The following SMG5 variants were observed in gnomAD, a reference collection of about 807,000 sequenced individuals.
SMG5 encodes SMG5 nonsense mediated mRNA decay factor, also known as nonsense-mediated mRNA decay factor SMG5.
Under a neutral mutation model 122.9 loss-of-function variants are expected in SMG5, and 53 were observed. That is an observed-to-expected ratio of 0.43 (90% CI 0.35 to 0.54). SMG5 has a LOEUF of 0.54. SMG5 is among the 20% of genes least tolerant of loss of function. The probability of loss-of-function intolerance (pLI) is 0.01; values close to 1 mark genes in which losing one functional copy is unlikely to be tolerated. For missense variants in SMG5, 1,153 were observed against 1,285.6 expected (o/e 0.90, Z 1.58); for synonymous variants, 477 against 490.2 (o/e 0.97, Z 0.35).
At position 156,277,210 on chromosome 1, in the gene SMG5, G is replaced by T; in HGVS notation, c.329C>A (p.Ala110Asp). 1 of 1,613,678 alleles carries T rather than the reference G, an allele frequency of 6.2e-7. No individual in the cohort carries two copies. The highest frequency in any genetic ancestry group is 8.5e-7 in the Non-Finnish European group (1 of 1,179,934). The stretch of plus-strand genomic sequence containing the variant: ...ACCAGCAACCAGGTGCGTCCTGTAG[G>T]CACATTCCAAAGTGCTCCGGCTGTG... ...HIHSRSTLEC[A>D]YRTHLVAGIG... Residue 110 changes from alanine to aspartate, a missense_variant, in exon 4 of 22, where the codon GCC (alanine) becomes GAC (aspartate). Around this residue, in one of 5 missense-constraint regions of SMG5, gnomAD observed 213 missense variants for 197.5 expected, o/e 1.08. Transcript: ENST00000361813.
chr1:156,265,439 T>C (rs1424500151), intron 12 of SMG5, among the ~76,000 whole-genome samples: 1 of 152,162 alleles, frequency 6.6e-6, no homozygotes, highest in Non-Finnish European at 1.5e-5. Context: ...CGCTGGTGGG[T>C]ACCAGTTTTT....
intron 7 of SMG5, among the ~76,000 whole-genome samples, chr1:156,271,014 AAAAAAAG>A (rs1304750361): frequency 6.6e-5 from 10 of 152,184 alleles, no homozygotes; most frequent in African/African-American, 2.2e-4. Flanking sequence ...TCTCAAAAAA[AAAAAAAG>A]AAAAAAGAAA....
chr1:156,249,422 A>G lies in SMG5; in HGVS notation c.*1165T>C, dbSNP rs533999005. 15 of 307,460 alleles carry G rather than the reference A, an allele frequency of 4.9e-5. No individual in the cohort carries two copies. The highest frequency in any genetic ancestry group is 9.6e-5 in the Non-Finnish European group (15 of 156,726). The allele number at this position is 307,460 out of a possible 1,614,324, so 19.0% of individuals were successfully genotyped here. Reference sequence around the variant, plus strand: ...GGGGGCAGCAGAGCTGAGACCCTCCACCCCGAGCCCCTAGCCTGTGCTATC... The same window carrying G: ...GGGGGCAGCAGAGCTGAGACCCTCCGCCCCGAGCCCCTAGCCTGTGCTATC... On this transcript the variant is annotated 3_prime_UTR_variant, in exon 22 of 22. Transcript: ENST00000361813.
rs756278683 is a variant in SMG5, at chr1:156,263,492, T to G, written c.1934A>C (p.Lys645Thr). The G allele has an allele frequency of 3.7e-6, 6 of 1,614,250 alleles. No individual in the cohort carries two copies. Among genetic ancestry groups the G allele is most frequent in the Non-Finnish European group, 5.1e-6 (6 of 1,180,050 alleles). The change falls in exon 13 of 22, where the codon AAG (lysine) becomes ACG (threonine). Residue 645 changes from lysine (K) to threonine (T), a missense_variant. By Grantham distance (78) the Lys-to-Thr change is moderately conservative. Transcript: ENST00000361813. ...SCRNERSIQE[K>T]LQVLMAEGLL... The stretch of plus-strand genomic sequence containing the variant: ...ACCTTCGGCCATCAGGACCTGAAGC[T>G]TCTCCTGGATGCTGCGCTCATTCCG...
intron 3 of SMG5, 132 bp downstream of exon 3, chr1:156,277,793 T>C: frequency 8.3e-7 from 1 of 1,198,234 alleles, no homozygotes. Context: ...ATTACACGCA[T>C]GAGCCACCGT....
At chr1:156,261,773 C>T (rs1025353934) in intron 13 of SMG5, among the ~76,000 whole-genome samples, 3 of 151,842 alleles carry the variant, frequency 2.0e-5, no homozygotes, top group Non-Finnish European at 2.9e-5. Flanking sequence ...GCCTATAATC[C>T]CAGCTACTCG....
chr1:156,283,423 G>A (rs1307253025), upstream of SMG5, among the ~76,000 whole-genome samples: 1 of 152,152 alleles, frequency 6.6e-6, no homozygotes, highest in Non-Finnish European at 1.5e-5. Flanking sequence ...TAGACACACA[G>A]AGGTGAGCAA....
At chr1:156,275,132 A>T (rs1662623802) in intron 4 of SMG5, among the ~76,000 whole-genome samples, 1 of 43,718 alleles carries the variant, frequency 2.3e-5, no homozygotes, top group Non-Finnish European at 6.4e-5. Flanking sequence ...GACGCCAATT[A>T]AAAAAAAAAA....
At chr1:156,285,327 A>C (rs1663118547), upstream of SMG5, 1 of 1,573,470 alleles carries the variant, frequency 6.4e-7, no homozygotes, top group African/African-American at 1.4e-5. Flanking sequence ...CGGCAGCCAG[A>C]AGGGGAAGGT....
chr1:156,268,851 C>T (rs931036413), intron 7 of SMG5, among the ~76,000 whole-genome samples: 1 of 152,210 alleles, frequency 6.6e-6, no homozygotes, highest in African/African-American at 2.4e-5. Context: ...CCCACTGTGT[C>T]AGGCAATGTA....
intron 7 of SMG5, among the ~76,000 whole-genome samples, chr1:156,271,643 G>A (rs933065666): frequency 3.2e-4 from 37 of 114,178 alleles, no homozygotes; most frequent in African/African-American, 9.6e-4. Flanking sequence ...GCATGATCTC[G>A]GCTCACTGCA....
intron 14 of SMG5, among the ~76,000 whole-genome samples, chr1:156,261,044 G>A (rs1470444050): frequency 6.6e-6 from 1 of 152,216 alleles, no homozygotes; most frequent in Admixed American, 6.5e-5. Context: ...ACAGGCATCA[G>A]TGCAACAGCA....
intron 6 of SMG5, among the ~76,000 whole-genome samples, 181 bp from the exon 7 acceptor site, chr1:156,272,579 T>C (rs1176782941): frequency 2.9e-5 from 4 of 139,430 alleles, no homozygotes; most frequent in Non-Finnish European, 4.6e-5. Flanking sequence ...TGACCTCTTC[T>C]TTTTTTTTTT....
At chr1:156,251,599 C>A (rs1266455747) in intron 19 of SMG5, 122 bp from the exon 20 acceptor site, 4 of 904,854 alleles carry the variant, frequency 4.4e-6, no homozygotes, top group East Asian at 2.4e-5. Context: ...ACATGTCTCT[C>A]CCACCACAGC....
At chr1:156,262,751 C>A (rs1009333123) in intron 13 of SMG5, among the ~76,000 whole-genome samples, 8 of 152,204 alleles carry the variant, frequency 5.3e-5, no homozygotes, top group Non-Finnish European at 7.3e-5. Context: ...CTGGCCCTGA[C>A]CCAAACCGTC....
chr1:156,260,394 T>C, intron 15 of SMG5, 57 bp downstream of exon 15: 3 of 1,569,414 alleles, frequency 1.9e-6, no homozygotes, highest in Non-Finnish European at 1.7e-6. Flanking sequence ...TCTGAACCCA[T>C]TTGCTGCTGT....
At chr1:156,270,835 C>T (rs552895027) in intron 7 of SMG5, among the ~76,000 whole-genome samples, 197 of 152,210 alleles carry the variant, frequency 1.3e-3, no homozygotes, top group Non-Finnish European at 2.3e-3. Context: ...TGGAGAAACC[C>T]GGTCTCTACT....
chr1:156,252,528 CA>C, intron 18 of SMG5, 24 bp from the exon 19 acceptor site: 1 of 1,611,132 alleles, frequency 6.2e-7, no homozygotes, highest in Non-Finnish European at 8.5e-7. Context: ...TAGGGAAAGA[CA>C]AAACAGATAA....
chr1:156,276,872 A>AC (rs530484482), intron 4 of SMG5, among the ~76,000 whole-genome samples: 209 of 152,354 alleles, frequency 1.4e-3, no homozygotes, highest in Non-Finnish European at 2.4e-3. Flanking sequence ...CCTCTGCCTT[A>AC]GTCCACAATC....
Sources: allele counts gnomAD v4.1 joint callset (sites outside exome capture counted in the v4.1 genomes callset), GRCh38; gene constraint gnomAD v4.1.1; regional missense constraint gnomAD v4.1.1; transcripts MANE v1.5; gene names NCBI Gene and HGNC (gene_info 2026-07-23, HGNC 2026-07-21).